Variants in PMPCB observed in about 807,000 individuals in gnomAD.
PMPCB encodes the protein peptidase, mitochondrial processing subunit beta.
PMPCB carries 46 observed loss-of-function variants against 61.5 expected under a neutral mutation model. That is an observed-to-expected ratio of 0.75 (90% CI 0.59 to 0.96). The LOEUF (loss-of-function observed/expected upper bound fraction) is 0.96. Among genes scored for constraint, PMPCB ranks in the 40% least tolerant of loss-of-function variants. The probability of loss-of-function intolerance (pLI) is 0.00; values close to 1 mark genes in which losing one functional copy is unlikely to be tolerated. For synonymous variants in PMPCB, 191 were observed against 201.6 expected (o/e 0.95, Z 0.44); for missense variants, 590 against 602.4 (o/e 0.98, Z 0.22).
chr7:103,310,653 G>T, intron 9 of PMPCB, 178 bp downstream of exon 9: 1 of 396,200 alleles, frequency 2.5e-6, no homozygotes, highest in East Asian at 4.6e-5. Flanking sequence ...CTCAAGATGT[G>T]AAGCTGATTT....
chr7:103,310,520 G>A (rs371726894), intron 9 of PMPCB, 45 bp downstream of exon 9: 175 of 1,459,548 alleles, frequency 1.2e-4, no homozygotes, highest in Middle Eastern at 5.4e-4. Flanking sequence ...CCTTTAATTC[G>A]TTTTAAACTA....
Position 103,313,703 on chromosome 7 carries a change from C to T in PMPCB, c.*1432C>T. The T allele has an allele frequency of 1.0e-6, 1 of 985,390 alleles. No individual in the cohort carries two copies. Among genetic ancestry groups the T allele is most frequent in the Non-Finnish European group, 1.2e-6 (1 of 829,880 alleles). The allele number at this position is 985,390 out of a possible 1,614,324, so 61.0% of individuals were successfully genotyped here. On this transcript the variant is annotated 3_prime_UTR_variant, in exon 13 of 13. Transcript: ENST00000249269. ...AAATCTTGGGAGCCGATGCTGAACA[C>T]TTCCAATAACTGCTATTGTGGTTCT...
chr7:103,326,790 A>G, intron 12 of PMPCB: 3 of 1,201,058 alleles, frequency 2.5e-6, no homozygotes, highest in Non-Finnish European at 3.4e-6. Context: ...TAATTTTCAT[A>G]TTTGAAAATT....
intron 4 of PMPCB, among the ~76,000 whole-genome samples, chr7:103,301,827 G>A (rs998110590): frequency 9.9e-5 from 15 of 151,910 alleles, no homozygotes; most frequent in African/African-American, 3.4e-4. Context: ...TATACTTTAA[G>A]TTCTAGGGTA....
chr7:103,302,124 A>G (rs913399589), intron 4 of PMPCB, among the ~76,000 whole-genome samples: 1 of 152,206 alleles, frequency 6.6e-6, no homozygotes, highest in Non-Finnish European at 1.5e-5. Flanking sequence ...TACAAAGGAC[A>G]TGAACTCATC....
downstream of PMPCB, chr7:103,316,586 C>T: frequency 2.2e-6 from 1 of 455,942 alleles, no homozygotes; most frequent in Non-Finnish European, 3.9e-6. Context: ...TAAATCAAGA[C>T]TTGTCTCATG....
intron 1 of PMPCB, among the ~76,000 whole-genome samples, chr7:103,298,183 C>T (rs1183260804): frequency 1.3e-5 from 2 of 151,706 alleles, no homozygotes; most frequent in African/African-American, 2.4e-5. Flanking sequence ...AATGAAAACC[C>T]GAGTGTCAGT....
downstream of PMPCB, chr7:103,317,272 CTTGGACACTA>C (rs754045234): frequency 1.5e-5 from 6 of 401,648 alleles, no homozygotes; most frequent in Admixed American, 8.3e-5. Context: ...TTCCATTAGC[CTTGGACACTA>C]ATTGACAAGT....
chr7:103,344,865 G>A, the PMPCB span: 1 of 581,656 alleles, frequency 1.7e-6, no homozygotes, highest in African/African-American at 1.9e-5. Context: ...TACTGACTGA[G>A]ATCCGGCTGG....
chr7:103,347,268 C>T, the PMPCB span, among the ~76,000 whole-genome samples: 1 of 152,168 alleles, frequency 6.6e-6, no homozygotes, highest in Non-Finnish European at 1.5e-5. Context: ...TGGCATCCAA[C>T]TGTGGTTTTG....
intron 1 of PMPCB, among the ~76,000 whole-genome samples, chr7:103,298,318 G>A (rs1228071895): frequency 6.6e-6 from 1 of 151,776 alleles, no homozygotes; most frequent in Admixed American, 6.6e-5. Context: ...TTTCTCTCTG[G>A]GTAATGATAA....
At chr7:103,327,523 T>C (rs757320189) in intron 12 of PMPCB, 20 of 717,888 alleles carry the variant, frequency 2.8e-5, no homozygotes, top group South Asian at 1.1e-4. Flanking sequence ...TAGAAAGAAC[T>C]TGATATAACT....
chr7:103,339,604 G>T, the PMPCB span, among the ~76,000 whole-genome samples: 12 of 143,900 alleles, frequency 8.3e-5, no homozygotes, highest in African/African-American at 2.3e-4. Context: ...AAATCCAATG[G>T]TTTTTTTTTT....
downstream of PMPCB, among the ~76,000 whole-genome samples, chr7:103,317,678 TCTCA>T (rs1328648584): frequency 6.6e-6 from 1 of 152,124 alleles, no homozygotes; most frequent in African/African-American, 2.4e-5. Context: ...TGAGGCAGAG[TCTCA>T]CTCTGTCGCC....
At chr7:103,332,406 T>C (rs1819013756), downstream of PMPCB, among the ~76,000 whole-genome samples, 1 of 152,188 alleles carries the variant, frequency 6.6e-6, no homozygotes, top group Non-Finnish European at 1.5e-5. Flanking sequence ...AGGTTTTGCA[T>C]ACTCAGATTA....
chr7:103,312,692 A>G lies in PMPCB; in HGVS notation c.*421A>G. 1 of 1,603,558 alleles carries G rather than the reference A, an allele frequency of 6.2e-7. No homozygotes were observed. Among genetic ancestry groups the G allele is most frequent in the Non-Finnish European group, 8.5e-7 (1 of 1,177,386 alleles). On this transcript the variant is annotated 3_prime_UTR_variant, in exon 13 of 13. Coordinates refer to ENST00000249269, the MANE Select transcript of PMPCB (RefSeq NM_004279.3). ...TTAAGAAGTTGCGATTTAAAAACAG[A>G]CATTTTAATCTAGTGTTTGGTGTAA...
the PMPCB span, among the ~76,000 whole-genome samples, chr7:103,345,869 C>T: frequency 6.6e-6 from 1 of 151,502 alleles, no homozygotes; most frequent in Non-Finnish European, 1.5e-5. Context: ...TCGTTGAGGC[C>T]GGGAGGTGGA....
Position 103,312,128 on chromosome 7 carries a change from G to A in PMPCB, c.1402G>A (p.Val468Ile), listed in dbSNP as rs1817778823. 3 of 1,613,940 alleles carry A rather than the reference G, an allele frequency of 1.9e-6. No homozygotes were observed. The highest frequency in any genetic ancestry group is 4.5e-5 in the East Asian group (2 of 44,868). Residue 468 changes from valine to isoleucine, a missense_variant, in exon 12 of 13, where the codon GTT (valine) becomes ATT (isoleucine). Coordinates refer to ENST00000249269, the MANE Select transcript of PMPCB (RefSeq NM_004279.3). ...TAATAGGAGTCCAGCTATTGCTGCT[G>A]TTGGTAAGCCTGGCTTCTTTTCTTC... The part of the protein sequence containing the change: ...IYNRSPAIAA[V>I]GPIKQLPDFK...
intron 12 of PMPCB, chr7:103,322,440 TGTGAAGATTAAA>T (rs1042614070): frequency 4.5e-5 from 60 of 1,324,908 alleles, no homozygotes; most frequent in African/African-American, 9.0e-5. Context: ...TAAAAAAAGA[TGTGAAGATTAAA>T]GTGAAGATTA....
Sources: allele counts gnomAD v4.1 joint callset (sites outside exome capture counted in the v4.1 genomes callset), GRCh38; gene constraint gnomAD v4.1.1; transcripts MANE v1.5; gene names NCBI Gene and HGNC (gene_info 2026-07-23, HGNC 2026-07-21).